Variants in CECR2 observed in about 807,000 individuals in gnomAD.
CECR2 encodes the protein chromatin remodeling regulator CECR2.
In CECR2, 30 loss-of-function variants were observed where a neutral mutation model predicts 154.5. The ratio of observed to expected loss-of-function variants is 0.19; its 90% CI spans 0.15 to 0.26. CECR2 has a LOEUF of 0.26. Among genes scored for constraint, CECR2 ranks in the 10% least tolerant of loss-of-function variants. The pLI is 1.00. For missense variants in CECR2, 1,743 were observed against 1,829.3 expected (o/e 0.95, Z 0.86); for synonymous variants, 725 against 683.7 (o/e 1.06, Z -0.94).
chr22:17,495,369 G>T (rs2055604511), intron 2 of CECR2, among the ~76,000 whole-genome samples: 1 of 151,928 alleles, frequency 6.6e-6, no homozygotes, highest in Non-Finnish European at 1.5e-5. Flanking sequence ...AGGAGTTCAA[G>T]ACTAGCCTGG....
intron 7 of CECR2, among the ~76,000 whole-genome samples, chr22:17,511,506 T>C (rs949118138): frequency 7.2e-6 from 1 of 139,174 alleles, no homozygotes; most frequent in Non-Finnish European, 1.5e-5. Flanking sequence ...CCCTTTGTAA[T>C]TTGGGAAGAT....
intron 9 of CECR2, among the ~76,000 whole-genome samples, chr22:17,524,492 A>G (rs1196871976): frequency 3.4e-4 from 26 of 77,274 alleles, no homozygotes; most frequent in Admixed American, 2.1e-3. Flanking sequence ...TCCCGGGTTC[A>G]TGCCATTCTC....
chr22:17,385,922 G>A (rs1310047312), intron 1 of CECR2, among the ~76,000 whole-genome samples: 1 of 152,188 alleles, frequency 6.6e-6, no homozygotes, highest in Admixed American at 6.5e-5. Flanking sequence ...TGACCCCCAG[G>A]GTGGGAGCAT....
At chr22:17,443,444 G>A (rs1163096836) in intron 1 of CECR2, among the ~76,000 whole-genome samples, 1 of 152,128 alleles carries the variant, frequency 6.6e-6, no homozygotes, top group Non-Finnish European at 1.5e-5. Context: ...AGGAGTCTTA[G>A]AGACTCCCTG....
Position 17,404,419 on chromosome 22 carries a change from G to C in CECR2, c.126+34510G>C, listed in dbSNP as rs1490282372. Among the ~76,000 whole-genome samples the C allele has an allele frequency of 3.4e-5, 3 of 87,320 alleles. No individual in the cohort carries two copies. The South Asian group carries it at 1.1e-3, about 32-fold the overall frequency. The allele number at this position is 87,320 out of a possible 152,430, so 57.3% of individuals were successfully genotyped here. ...GACGGAGTCTCGCTCTGTCGCCCAG[G>C]CTGGAGTGCAGTGGCGGGATCTCGG... On this transcript the variant is annotated intron_variant, in intron 1 of 18. Coordinates refer to ENST00000262608, the MANE Select transcript of CECR2 (RefSeq NM_001290047.2).
At chr22:17,365,860 T>TA (rs397940356), upstream of CECR2, among the ~76,000 whole-genome samples, 3,747 of 133,520 alleles carry the variant, frequency 0.028, 163 homozygotes, top group African/African-American at 0.086. Context: ...ACCCCCTATG[T>TA]AAAAAAAAAA....
At chr22:17,363,727 T>C (rs1314187324) in intron 1 of CECR2, among the ~76,000 whole-genome samples, 1 of 152,202 alleles carries the variant, frequency 6.6e-6, no homozygotes, top group Non-Finnish European at 1.5e-5. Context: ...CCTTCACCTC[T>C]TGGGTTCAAG....
chr22:17,497,562 A>G lies in CECR2; in HGVS notation c.381A>G (p.Ala127=). ...LHRLCDYRLD[A]DDVFDLLKGL... ...GACTCTGTGATTACCGGCTGGATGC[A>G]GACGATGTCTTCGATCTTCTAAAGG... Residue 127 remains alanine (A), a synonymous_variant, in exon 3 of 19, where the codon GCA becomes GCG. Coordinates refer to ENST00000262608, the MANE Select transcript of CECR2 (RefSeq NM_001290047.2). 1 of 1,614,012 alleles carries G rather than the reference A, an allele frequency of 6.2e-7. No homozygotes were observed. Among genetic ancestry groups the G allele is most frequent in the Non-Finnish European group, 8.5e-7 (1 of 1,179,880 alleles).
chr22:17,477,115 C>T (rs1325416201), intron 1 of CECR2: 1 of 724,502 alleles, frequency 1.4e-6, no homozygotes, highest in Admixed American at 1.9e-5. Context: ...ATTCAAAATA[C>T]AGTGGTTCTT....
chr22:17,534,171 A>C (rs979485938), intron 9 of CECR2, among the ~76,000 whole-genome samples: 2 of 152,262 alleles, frequency 1.3e-5, no homozygotes, highest in African/African-American at 4.8e-5. Context: ...TGGGTTTTTC[A>C]GAAACAGTGC....
intron 2 of CECR2, among the ~76,000 whole-genome samples, chr22:17,488,953 CTTAT>C (rs977686086): frequency 3.3e-5 from 5 of 152,124 alleles, no homozygotes; most frequent in African/African-American, 7.2e-5. Flanking sequence ...TTTTTATTTA[CTTAT>C]TTATTTGTTT....
intron 1 of CECR2, among the ~76,000 whole-genome samples, chr22:17,460,114 G>A (rs1197790257): frequency 1.3e-5 from 2 of 152,128 alleles, no homozygotes; most frequent in Admixed American, 6.6e-5. Flanking sequence ...CAGCCCAGAA[G>A]GCAGTTTGGT....
intron 1 of CECR2, among the ~76,000 whole-genome samples, chr22:17,436,157 A>G (rs1015862272): frequency 6.6e-6 from 1 of 151,972 alleles, no homozygotes; most frequent in Non-Finnish European, 1.5e-5. Context: ...ACGGGGTTTC[A>G]CGGTGTTAGC....
intron 1 of CECR2, among the ~76,000 whole-genome samples, chr22:17,421,153 C>G (rs1267021185): frequency 6.6e-6 from 1 of 151,964 alleles, no homozygotes; most frequent in Non-Finnish European, 1.5e-5. Flanking sequence ...TTATGTGGAT[C>G]GGAGTTTTTG....
intron 1 of CECR2, among the ~76,000 whole-genome samples, chr22:17,391,203 ACAGTT>A (rs1050122083): frequency 6.6e-6 from 1 of 152,186 alleles, no homozygotes; most frequent in African/African-American, 2.4e-5. Flanking sequence ...CATCCAGTAA[ACAGTT>A]CACACTGAAA....
intron 2 of CECR2, among the ~76,000 whole-genome samples, chr22:17,495,605 G>A (rs2055610098): frequency 6.8e-6 from 1 of 147,406 alleles, no homozygotes; most frequent in African/African-American, 2.5e-5. Context: ...GCTCACGCCT[G>A]TAATCCCAGC....
chr22:17,475,795 G>A (rs2146787628), intron 1 of CECR2, among the ~76,000 whole-genome samples: 1 of 152,172 alleles, frequency 6.6e-6, no homozygotes, highest in Non-Finnish European at 1.5e-5. Flanking sequence ...CCTCGCCTCG[G>A]CTGGCCTTTA....
chr22:17,477,378 A>G (rs2055226645), intron 1 of CECR2, among the ~76,000 whole-genome samples: 1 of 152,252 alleles, frequency 6.6e-6, no homozygotes, highest in East Asian at 1.9e-4. Context: ...GGGAGGGAGT[A>G]GTGAGAGAAA....
chr22:17,482,138 AAAAGG>A (rs2055335430), intron 2 of CECR2, among the ~76,000 whole-genome samples: 1 of 68,518 alleles, frequency 1.5e-5, no homozygotes, highest in Non-Finnish European at 3.5e-5. Flanking sequence ...AAAAAAAAAA[AAAAGG>A]GCGTGGCATG....
Sources: gnomAD v4.1 joint callset for allele counts (sites outside exome capture counted in the v4.1 genomes callset) on GRCh38, gnomAD v4.1.1 for gene constraint, MANE v1.5 for transcripts, NCBI Gene and HGNC (gene_info 2026-07-23, HGNC 2026-07-21) for gene names.